The following PPM1F variants were observed in gnomAD, a reference collection of about 807,000 sequenced individuals.
The protein encoded by PPM1F is protein phosphatase 1F.
In PPM1F, 17 loss-of-function variants were observed where a neutral mutation model predicts 35.5. The observed-to-expected ratio is 0.48, with a 90% CI of 0.33 to 0.72. The LOEUF (loss-of-function observed/expected upper bound fraction) is 0.72. Among genes scored for constraint, PPM1F ranks in the 30% least tolerant of loss-of-function variants. PPM1F has a pLI of 0.02. For missense variants in PPM1F, 521 were observed against 613.0 expected (o/e 0.85, Z 1.59); for synonymous variants, 241 against 255.5 (o/e 0.94, Z 0.54).
At position 21,939,466 on chromosome 22, in the gene PPM1F, C is replaced by T. The variant is rs1226782930; in HGVS notation, c.355+66G>A. 1.6e-5 allele frequency: 26 copies of T among 1,589,618 alleles called. No individual in the cohort carries two copies. Among genetic ancestry groups the T allele is most frequent in the Non-Finnish European group, 2.2e-5 (26 of 1,166,386 alleles). ...GGGACCCCAATCAATGGGCTTCCCA[C>T]AATGTCGTCACCCTTTGTTGCCTGC... On this transcript the variant is annotated intron_variant, in intron 3 of 7. Coordinates refer to ENST00000263212, the MANE Select transcript of PPM1F (RefSeq NM_014634.4). The surrounding 1 kb of genome is among the most constrained non-coding windows in gnomAD (Gnocchi z 5.1).
Position 21,933,380 on chromosome 22 carries a change from C to A in PPM1F, c.747+11G>T. On this transcript the variant is annotated intron_variant, in intron 5 of 7. Coordinates refer to ENST00000263212, the MANE Select transcript of PPM1F (RefSeq NM_014634.4). ...CCAAACTGCACCTGAGGCCCAGCGG[C>A]CAGTCCTCACCTCTCGCTTGGCTTT... The A allele has an allele frequency of 1.3e-6, 2 of 1,596,466 alleles. No homozygotes were observed. Among genetic ancestry groups the A allele is most frequent in the Non-Finnish European group, 8.5e-7 (1 of 1,170,138 alleles).
chr22:21,928,112 C>T (rs1783242230), intron 6 of PPM1F, among the ~76,000 whole-genome samples: 1 of 151,966 alleles, frequency 6.6e-6, no homozygotes, highest in Non-Finnish European at 1.5e-5. Context: ...GCAGCTCTTC[C>T]CTCTGCTCCT....
At chr22:21,924,263 A>G (rs986882056) in intron 7 of PPM1F, among the ~76,000 whole-genome samples, 7 of 135,110 alleles carry the variant, frequency 5.2e-5, no homozygotes, top group African/African-American at 1.9e-4. Flanking sequence ...TGCAGGCTGG[A>G]CCCACTTTTT....
rs2070463665 is a variant in PPM1F at position 21,922,940 on chromosome 22, G to GA, written c.*151_*152insT. 1 of 912,756 alleles carries GA rather than the reference G, an allele frequency of 1.1e-6. No individual in the cohort carries two copies. The highest frequency in any genetic ancestry group is 1.6e-6 in the Non-Finnish European group (1 of 611,800). 56.5% of individuals were successfully genotyped at this position (912,756 alleles called of 1,614,324 possible). A position where few individuals can be genotyped will look rare whatever the true frequency, so the allele number is the denominator to read the frequency against. On this transcript the variant is annotated 3_prime_UTR_variant, in exon 8 of 8. Transcript: ENST00000263212. The stretch of plus-strand genomic sequence containing the variant: ...AGTTCCACAGCCACCAGGACGGGCT[G>GA]CGGGGGGTGTCCCGACTGGCTCTGG...
chr22:21,925,554 C>T lies in PPM1F; in HGVS notation c.985+15G>A. ...GAGACCTTCTCCCACTTGGGTCGGC[C>T]TCTTTGGCTCTCACCGATGGCTCTG... On this transcript the variant is annotated intron_variant, in intron 7 of 7. Coordinates refer to ENST00000263212, the MANE Select transcript of PPM1F (RefSeq NM_014634.4). 6.2e-7 allele frequency: 1 copy of T among 1,613,340 alleles called. No homozygotes were observed. The highest frequency in any genetic ancestry group is 1.3e-5 in the African/African-American group (1 of 75,040).
rs373207200 is a variant in PPM1F at position 21,933,508 on chromosome 22, A to G, written c.630T>C (p.Ala210=). The change falls in exon 5 of 8, where the codon GCT becomes GCC. Residue 210 remains alanine, a synonymous_variant. Transcript: ENST00000263212. ...HGGVDAARYA[A]VHVHTNAARQ... ...GGGCAGCGTTGGTGTGCACGTGGAC[A>G]GCGGCGTACCTCGCAGCATCCACGC... 1 of 1,613,722 alleles carries G rather than the reference A, an allele frequency of 6.2e-7. No individual in the cohort carries two copies. The highest frequency in any genetic ancestry group is 1.3e-5 in the African/African-American group (1 of 75,046).
rs955157516 is a variant in PPM1F, at chr22:21,938,342, G to A, written c.355+1190C>T. On this transcript the variant is annotated intron_variant, in intron 3 of 7. Coordinates refer to ENST00000263212, the MANE Select transcript of PPM1F (RefSeq NM_014634.4). The stretch of plus-strand genomic sequence containing the variant: ...CACCGGCCGGAAGCCTGCTGGCTCG[G>A]CCGAGAACAATGGCCGCCTGTCACT... 11 of 1,192,304 alleles carry A rather than the reference G, an allele frequency of 9.2e-6. No homozygotes were observed. The Admixed American group carries it at 1.8e-4, about 19-fold the overall frequency. 73.9% of individuals were successfully genotyped at this position (1,192,304 alleles called of 1,614,324 possible). A position where few individuals can be genotyped will look rare whatever the true frequency, so the allele number is the denominator to read the frequency against.
At chr22:21,925,073 AT>A (rs960244962) in intron 7 of PPM1F, 608 of 147,838 alleles carry the variant, frequency 4.1e-3, no homozygotes, top group Middle Eastern at 0.02. Flanking sequence ...AATTTTTTGT[AT>A]TTTTTTTTTA....
chr22:21,923,276 A>G lies in PPM1F; in HGVS notation c.1181T>C (p.Val394Ala). The G allele has an allele frequency of 6.2e-7, 1 of 1,613,442 alleles. No individual in the cohort carries two copies. The highest frequency in any genetic ancestry group is 8.5e-7 in the Non-Finnish European group (1 of 1,179,940). ...GSGLRVAEELVAAARERGSHD... is the reference protein window; with the variant it reads ...GSGLRVAEELAAAARERGSHD... Reference sequence around the variant, plus strand: ...GGAGCCCCGCTCCCGGGCCGCAGCCACCAGCTCCTCGGCGACACGGAGCCC... The same window carrying G: ...GGAGCCCCGCTCCCGGGCCGCAGCCGCCAGCTCCTCGGCGACACGGAGCCC... Residue 394 changes from valine to alanine, a missense_variant, in exon 8 of 8, where the codon GTG becomes GCG. Val to Ala is a moderately conservative substitution (Grantham distance 64). Transcript: ENST00000263212.
Position 21,945,950 on chromosome 22 carries a change from C to T in PPM1F, c.99G>A (p.Leu33=). 1 of 1,612,608 alleles carries T rather than the reference C, an allele frequency of 6.2e-7. No homozygotes were observed. Among genetic ancestry groups the T allele is most frequent in the Middle Eastern group, 1.7e-4 (1 of 5,966 alleles). Residue 33 remains leucine, a synonymous_variant, in exon 2 of 8, where the codon CTG becomes CTA. Transcript: ENST00000263212. ...LDTLLQDFPA[L]LNPEDPLPWK... ...ATGGCAGAGGGTCCTCTGGGTTCAG[C>T]AGGGCTGGGAAGTCTTGCAGGAGCG...
Position 21,933,467 on chromosome 22 carries a change from G to A in PPM1F, c.671C>T (p.Pro224Leu), listed in dbSNP as rs762810315. The A allele has an allele frequency of 1.2e-6, 2 of 1,613,628 alleles. No homozygotes were observed. The highest frequency in any genetic ancestry group is 1.7e-6 in the Non-Finnish European group (2 of 1,180,018). The part of the protein sequence containing the change: ...HTNAARQPEL[P>L]TDPEGALREA... ...TCTGAGGGCTCCCTCAGGGTCTGTG[G>A]GCAGCTCTGGCTGGCGGGCAGCGTT... The change falls in exon 5 of 8, where the codon CCC becomes CTC. Residue 224 changes from proline (P) to leucine (L), a missense_variant. Physicochemically the swap from Pro to Leu is moderately conservative, Grantham distance 98. This residue lies in a region of PPM1F where 311 missense variants were observed against 351.5 expected (regional missense o/e 0.88). Coordinates refer to ENST00000263212, the MANE Select transcript of PPM1F (RefSeq NM_014634.4).
At chr22:21,934,980 G>A (rs1290171259) in intron 3 of PPM1F, 1 of 149,866 alleles carries the variant, frequency 6.7e-6, no homozygotes, top group African/African-American at 2.5e-5. Flanking sequence ...ACTCCCATAC[G>A]ACCCCACCGT....
chr22:21,929,339 C>T (rs2070560444), intron 6 of PPM1F, among the ~76,000 whole-genome samples: 1 of 152,172 alleles, frequency 6.6e-6, no homozygotes, highest in Non-Finnish European at 1.5e-5. Flanking sequence ...GTGTGCTTCT[C>T]TTGTGCAAGC....
At chr22:21,927,384 C>T (rs2070529005) in intron 6 of PPM1F, among the ~76,000 whole-genome samples, 1 of 152,232 alleles carries the variant, frequency 6.6e-6, no homozygotes, top group Admixed American at 6.5e-5. Flanking sequence ...GCCTCAGAGG[C>T]GTTCCCTGGG....
At chr22:21,923,880 G>C (rs2070479024) in intron 7 of PPM1F, among the ~76,000 whole-genome samples, 1 of 151,118 alleles carries the variant, frequency 6.6e-6, no homozygotes, top group African/African-American at 2.4e-5. Flanking sequence ...AGTAGAGATG[G>C]GGTTTCACCA....
chr22:21,929,300 G>A (rs562511048), intron 6 of PPM1F, among the ~76,000 whole-genome samples: 105 of 152,240 alleles, frequency 6.9e-4, no homozygotes, highest in African/African-American at 2.4e-3. Context: ...TGGCCCATGC[G>A]GGCTGCAGCC....
At chr22:21,940,176 A>C (rs1206451765) in intron 2 of PPM1F, among the ~76,000 whole-genome samples, 3 of 152,162 alleles carry the variant, frequency 2.0e-5, no homozygotes, top group Admixed American at 6.5e-5. Context: ...TGATGTCTCT[A>C]TGAAAAAGGG....
chr22:21,938,458 G>A, intron 3 of PPM1F: 1 of 1,133,510 alleles, frequency 8.8e-7, no homozygotes, highest in Non-Finnish European at 1.1e-6. Flanking sequence ...CGAGAGCGAG[G>A]AGGAGAGCGC....
At position 21,939,612 on chromosome 22, in the gene PPM1F, A is replaced by G; in HGVS notation, c.275T>C (p.Leu92Pro). ...EAVSQLLQTD[L>P]SEFRKLPREE... The stretch of plus-strand genomic sequence containing the variant: ...CCTGGGCAACTTCCTGAATTCGGAA[A>G]GGTCTGTCTGTAGCAGCTGTGAAAC... The change falls in exon 3 of 8, where the codon CTT becomes CCT. Residue 92 changes from leucine (L) to proline (P), a missense_variant. Physicochemically the swap from Leu to Pro is moderately conservative, Grantham distance 98. Coordinates refer to ENST00000263212, the MANE Select transcript of PPM1F (RefSeq NM_014634.4). The surrounding 1 kb of genome is among the most constrained non-coding windows in gnomAD (Gnocchi z 5.1). 1 of 1,562,890 alleles carries G rather than the reference A, an allele frequency of 6.4e-7. No homozygotes were observed.
Sources: allele counts gnomAD v4.1 joint callset (sites outside exome capture counted in the v4.1 genomes callset), GRCh38; gene constraint gnomAD v4.1.1; regional missense constraint gnomAD v4.1.1; non-coding constraint Gnocchi (gnomAD v3.1); transcripts MANE v1.5; gene names NCBI Gene and HGNC (gene_info 2026-07-23, HGNC 2026-07-21).